Variants in ST7 observed in about 807,000 individuals in gnomAD.
The protein encoded by ST7 is suppressor of tumorigenicity 7 protein.
ST7 carries 28 observed loss-of-function variants against 78.7 expected under a neutral mutation model. That is an observed-to-expected ratio of 0.36 (90% CI 0.26 to 0.49). The LOEUF (loss-of-function observed/expected upper bound fraction) is 0.49. Ranked by LOEUF, ST7 falls within the 20% of genes least tolerant of loss-of-function variation. The pLI is 0.99. For synonymous variants in ST7, 247 were observed against 249.6 expected, an observed-to-expected ratio of 0.99 and a Z score of 0.10; for missense variants, 418 against 696.0, an observed-to-expected ratio of 0.60 and a Z score of 4.49.
At chr7:117,217,115 C>A (rs1352304901) in intron 13 of ST7, among the ~76,000 whole-genome samples, 3 of 152,198 alleles carry the variant, frequency 2.0e-5, no homozygotes, top group Non-Finnish European at 4.4e-5. Context: ...TCCTGTATTT[C>A]ATTTAAAAAA....
intron 1 of ST7, among the ~76,000 whole-genome samples, chr7:117,031,969 C>T (rs1337250830): frequency 6.7e-6 from 1 of 150,020 alleles, no homozygotes; most frequent in Non-Finnish European, 1.5e-5. Flanking sequence ...GCAACTTCTG[C>T]TTCCCAGGTT....
intron 1 of ST7, among the ~76,000 whole-genome samples, chr7:117,031,882 A>T (rs868579866): frequency 5.3e-4 from 58 of 110,328 alleles, no homozygotes; most frequent in Middle Eastern, 5.5e-3. Flanking sequence ...ATATATATAT[A>T]TTTTTTTTTT....
chr7:117,148,103 A>C (rs992839324), intron 9 of ST7, among the ~76,000 whole-genome samples: 1 of 152,150 alleles, frequency 6.6e-6, no homozygotes, highest in Non-Finnish European at 1.5e-5. Flanking sequence ...TTGCTCTATC[A>C]GTTTCTAAGA....
At chr7:117,072,826 A>C (rs759388874) in intron 1 of ST7, 3 of 152,228 alleles carry the variant, frequency 2.0e-5, no homozygotes, top group Non-Finnish European at 4.4e-5. Flanking sequence ...AGAATTGAGA[A>C]AGTGACGCAG....
At chr7:117,220,794 C>T (rs565293927) in intron 14 of ST7, among the ~76,000 whole-genome samples, 5 of 152,262 alleles carry the variant, frequency 3.3e-5, no homozygotes, top group African/African-American at 9.6e-5. Flanking sequence ...ACACTTGTTC[C>T]GTGTGTTTGA....
chr7:117,034,205 C>T (rs1796764723), intron 1 of ST7, among the ~76,000 whole-genome samples: 1 of 152,202 alleles, frequency 6.6e-6, no homozygotes, highest in African/African-American at 2.4e-5. Flanking sequence ...TCCCAAAGTG[C>T]TGAGATTACA....
chr7:116,977,930 T>G (rs1035224578), intron 1 of ST7, among the ~76,000 whole-genome samples: 4 of 152,250 alleles, frequency 2.6e-5, no homozygotes, highest in African/African-American at 9.6e-5. Context: ...CTTTCTATAC[T>G]GTTATTTCTT....
At chr7:117,043,034 C>A (rs1228103315) in intron 1 of ST7, among the ~76,000 whole-genome samples, 1 of 151,950 alleles carries the variant, frequency 6.6e-6, no homozygotes, top group Non-Finnish European at 1.5e-5. Context: ...ATGTTTTGAA[C>A]CTCATTGCAA....
chr7:117,216,779 G>T (rs1425740358), intron 13 of ST7, among the ~76,000 whole-genome samples: 1 of 151,070 alleles, frequency 6.6e-6, no homozygotes, highest in African/African-American at 2.4e-5. Flanking sequence ...ATTATTTTTT[G>T]AGCTCAATGC....
intron 1 of ST7, among the ~76,000 whole-genome samples, chr7:117,007,497 TA>T (rs1795205038): frequency 1.3e-5 from 2 of 152,264 alleles, no homozygotes; most frequent in East Asian, 1.9e-4. Flanking sequence ...CTGCATAACA[TA>T]AAAGTGCAAG....
intron 1 of ST7, among the ~76,000 whole-genome samples, chr7:117,043,592 C>G (rs1027029251): frequency 6.6e-6 from 1 of 152,154 alleles, no homozygotes; most frequent in Non-Finnish European, 1.5e-5. Context: ...GTTTAATTGC[C>G]TTTAACCAAT....
chr7:117,092,323 C>CA (rs544352014), intron 1 of ST7, among the ~76,000 whole-genome samples: 8,906 of 100,596 alleles, frequency 0.089, 519 homozygotes, highest in African/African-American at 0.17. Flanking sequence ...GAATACCAGC[C>CA]AAAAAAAAAA....
chr7:117,114,250 T>C (rs1307352219), intron 2 of ST7, among the ~76,000 whole-genome samples: 1 of 152,020 alleles, frequency 6.6e-6, no homozygotes, highest in Non-Finnish European at 1.5e-5. Flanking sequence ...AAGTTTGATC[T>C]GTCATGAGGA....
chr7:117,011,058 G>A (rs1002962870), intron 1 of ST7, among the ~76,000 whole-genome samples: 10 of 152,190 alleles, frequency 6.6e-5, no homozygotes, highest in Admixed American at 5.9e-4. Context: ...AGGCCACATT[G>A]TCCTAAGAGG....
At chr7:116,997,420 T>G (rs1449185659) in intron 1 of ST7, among the ~76,000 whole-genome samples, 2 of 152,210 alleles carry the variant, frequency 1.3e-5, no homozygotes, top group Admixed American at 6.5e-5. Context: ...TGCTGATTGG[T>G]GCGTTTACAA....
chr7:117,137,847 TTACAAC>T (rs1367261788), intron 8 of ST7, among the ~76,000 whole-genome samples: 3 of 152,308 alleles, frequency 2.0e-5, no homozygotes, highest in East Asian at 3.9e-4. Context: ...GTGATTGTTG[TTACAAC>T]TATTTAGCTT....
At chr7:117,032,928 A>AT (rs2116204752) in intron 1 of ST7, among the ~76,000 whole-genome samples, 1 of 152,308 alleles carries the variant, frequency 6.6e-6, no homozygotes, top group Admixed American at 6.5e-5. Flanking sequence ...TTTTTATTGT[A>AT]AATATATAAC....
intron 1 of ST7, chr7:117,072,254 C>T (rs1165769419): frequency 6.6e-6 from 1 of 152,178 alleles, no homozygotes. Flanking sequence ...TGTCACGCCT[C>T]AGGCCTTTTT....
intron 10 of ST7, among the ~76,000 whole-genome samples, chr7:117,177,689 C>G (rs1053919387): frequency 2.6e-5 from 4 of 152,158 alleles, no homozygotes; most frequent in African/African-American, 9.7e-5. Context: ...CATTGAACTC[C>G]CAAGTGGCAC....
Sources: allele counts gnomAD v4.1 joint callset (sites outside exome capture counted in the v4.1 genomes callset), GRCh38; gene constraint gnomAD v4.1.1; transcripts MANE v1.5; gene names NCBI Gene and HGNC (gene_info 2026-07-23, HGNC 2026-07-21).